The following D2HGDH variants were observed in gnomAD, a reference collection of about 807,000 sequenced individuals.
D2HGDH encodes the protein D-2-hydroxyglutarate dehydrogenase, mitochondrial.
Under a neutral mutation model 46.9 loss-of-function variants are expected in D2HGDH, and 31 were observed. That is an observed-to-expected ratio of 0.66 (90% CI 0.50 to 0.89). The LOEUF is 0.89. D2HGDH is among the 40% of genes least tolerant of loss of function. The probability of loss-of-function intolerance (pLI) is 0.00; values close to 1 mark genes in which losing one functional copy is unlikely to be tolerated. For missense variants in D2HGDH, 698 were observed against 720.8 expected (o/e 0.97, Z 0.36); for synonymous variants, 364 against 332.6 (o/e 1.09, Z -1.03).
chr2:241,741,154 G>T (rs561109224), intron 3 of D2HGDH, 64 bp downstream of exon 3: 17 of 1,498,518 alleles, frequency 1.1e-5, no homozygotes, highest in African/African-American at 1.4e-5. Context: ...TCCTCATGGA[G>T]CCTGTGGGCA....
chr2:241,735,582 C>T (rs1211078181), intron 2 of D2HGDH, 66 bp downstream of exon 2: 4 of 1,585,248 alleles, frequency 2.5e-6, no homozygotes, highest in Non-Finnish European at 3.4e-6. Context: ...CCCGTGGAGG[C>T]TTCAAAGCGG....
In D2HGDH at chr2:241,751,268, C is replaced by T. The variant is rs777521222; in HGVS notation, c.1020C>T (p.Ile340=). 6 of 1,613,912 alleles carry T rather than the reference C, an allele frequency of 3.7e-6. No individual in the cohort carries two copies. Among genetic ancestry groups the T allele is most frequent in the African/African-American group, 1.3e-5 (1 of 74,926 alleles). Residue 340 remains isoleucine, a synonymous_variant, in exon 8 of 10, where the codon ATC becomes ATT. Coordinates refer to ENST00000321264, the MANE Select transcript of D2HGDH (RefSeq NM_152783.5). ...TAGAGAGTCCGTTTTACGTCCTCATCGAGACTTCAGGCTCCAACGCAGGCC... is the reference window on the plus strand; with the variant it reads ...TAGAGAGTCCGTTTTACGTCCTCATTGAGACTTCAGGCTCCAACGCAGGCC... The part of the protein sequence containing the change: ...PVQESPFYVL[I]ETSGSNAGHD...
At chr2:241,753,617 G>C (rs1163371884) in intron 8 of D2HGDH, among the ~76,000 whole-genome samples, 1 of 152,228 alleles carries the variant, frequency 6.6e-6, no homozygotes, top group Admixed American at 6.5e-5. Context: ...TGTTCAACGG[G>C]GGACACTCAG....
chr2:241,749,895 A>G lies in D2HGDH; in HGVS notation c.854-256A>G, dbSNP rs966519141. 9.3e-6 allele frequency: 5 copies of G among 540,426 alleles called. No individual in the cohort carries two copies. In the African/African-American group the frequency reaches 9.9e-5, roughly 11 times the overall value. The allele number at this position is 540,426 out of a possible 1,614,324, so 33.5% of individuals were successfully genotyped here. A position where few individuals can be genotyped will look rare whatever the true frequency, so the allele number is the denominator to read the frequency against. ...ATGCTGGTGGTGACACCAGGCGTGCACCTTCTCCTGATCTGATGCTGGTGG... is the reference window on the plus strand; with the variant it reads ...ATGCTGGTGGTGACACCAGGCGTGCGCCTTCTCCTGATCTGATGCTGGTGG... On this transcript the variant is annotated intron_variant, in intron 6 of 9. Transcript: ENST00000321264.
Position 241,758,769 on chromosome 2 carries a change from A to ATGTGTGTGTGTGTG in D2HGDH, c.1306+2785_1306+2798dup, listed in dbSNP as rs558559121. Among the ~76,000 whole-genome samples the ATGTGTGTGTGTGTG allele has an allele frequency of 7.8e-3, 1,035 of 131,932 alleles. 4 individuals carry two copies. Among genetic ancestry groups the ATGTGTGTGTGTGTG allele is most frequent in the Middle Eastern group, 0.012 (3 of 258 alleles). The allele number at this position is 131,932 out of a possible 152,430, so 86.6% of individuals were successfully genotyped here. A position where few individuals can be genotyped will look rare whatever the true frequency, so the allele number is the denominator to read the frequency against. ...TATACCGCCCCCCGCCCCACAATATATGTGTGTGTGTGTGTGTGTGTGTGT... is the reference window on the plus strand; with the variant it reads ...TATACCGCCCCCCGCCCCACAATATATGTGTGTGTGTGTGTGTGTGTGTGTGTGTGTGTGTGTGT... On this transcript the variant is annotated intron_variant, in intron 9 of 9. Transcript: ENST00000321264.
chr2:241,739,871 G>A (rs746624814), intron 2 of D2HGDH, among the ~76,000 whole-genome samples: 11 of 152,264 alleles, frequency 7.2e-5, no homozygotes, highest in Admixed American at 1.3e-4. Flanking sequence ...GAGGCCGGGC[G>A]CGGCGACTCA....
intron 9 of D2HGDH, among the ~76,000 whole-genome samples, chr2:241,763,542 C>G (rs1699015862): frequency 6.6e-6 from 1 of 152,168 alleles, no homozygotes; most frequent in Admixed American, 6.5e-5. Flanking sequence ...TGACCGTACT[C>G]TACTCTAGAC....
intron 2 of D2HGDH, chr2:241,736,241 A>G (rs1692782392): frequency 6.6e-6 from 1 of 152,328 alleles, no homozygotes; most frequent in South Asian, 2.1e-4. Flanking sequence ...CAAAAAGTAA[A>G]AAAGTTACTC....
At chr2:241,741,289 C>T (rs1052996194) in intron 3 of D2HGDH, among the ~76,000 whole-genome samples, 199 bp downstream of exon 3, 1 of 152,226 alleles carries the variant, frequency 6.6e-6, no homozygotes, top group Non-Finnish European at 1.5e-5. Flanking sequence ...CCCCATTTGG[C>T]AATGCCCATG....
At chr2:241,765,082 A>G (rs1046205325) in intron 9 of D2HGDH, among the ~76,000 whole-genome samples, 39 of 152,284 alleles carry the variant, frequency 2.6e-4, no homozygotes, top group Admixed American at 1.4e-3. Context: ...GGGCAGCTCC[A>G]GGGGCGACAC....
chr2:241,749,990 C>A, intron 6 of D2HGDH, 161 bp from the exon 7 acceptor site: 1 of 1,046,990 alleles, frequency 9.6e-7, no homozygotes. Flanking sequence ...ACCTGCCAGG[C>A]AAACCCTGGG....
Position 241,751,960 on chromosome 2 carries a change from G to A in D2HGDH, c.1140+572G>A, listed in dbSNP as rs149702186. ...CTCGGTCACCGTCACCGGGGCCTGG[G>A]CAGGGGGAGCCCTCGGTCACCGTCA... On this transcript the variant is annotated intron_variant, in intron 8 of 9. Coordinates refer to ENST00000321264, the MANE Select transcript of D2HGDH (RefSeq NM_152783.5). 5.6e-3 allele frequency among the ~76,000 whole-genome samples: 405 copies of A among 71,684 alleles called. 16 individuals are homozygous for A. Among genetic ancestry groups the A allele is most frequent in the African/African-American group, 0.022 (323 of 14,700 alleles). The allele number at this position is 71,684 out of a possible 152,430, so 47.0% of individuals were successfully genotyped here.
intron 9 of D2HGDH, among the ~76,000 whole-genome samples, chr2:241,761,208 G>A (rs138286001): frequency 2.5e-3 from 384 of 152,226 alleles, no homozygotes; most frequent in African/African-American, 8.9e-3. Context: ...CATTTCCGTC[G>A]TACCAGGAAT....
chr2:241,741,101 G>C lies in D2HGDH; in HGVS notation c.350+11G>C, dbSNP rs1253754955. The C allele has an allele frequency of 6.2e-7, 1 of 1,612,044 alleles. No homozygotes were observed. The highest frequency in any genetic ancestry group is 1.3e-5 in the African/African-American group (1 of 74,884). On this transcript the variant is annotated intron_variant, in intron 3 of 9. Coordinates refer to ENST00000321264, the MANE Select transcript of D2HGDH (RefSeq NM_152783.5). ...GTCCCACATCCTCAGGTGAGGTGGT[G>C]GCTCCCGGCTCCCCCAGCCTTCCCT...
At chr2:241,744,971 G>GCCCCC in intron 6 of D2HGDH, 94 bp downstream of exon 6, 1 of 1,441,550 alleles carries the variant, frequency 6.9e-7, no homozygotes. Flanking sequence ...GGGATGGAGG[G>GCCCCC]ACCCCCCGCC....
intron 2 of D2HGDH, among the ~76,000 whole-genome samples, chr2:241,739,875 C>T (rs1279908682): frequency 3.3e-5 from 5 of 152,340 alleles, no homozygotes; most frequent in East Asian, 1.9e-4. Context: ...CCGGGCGCGG[C>T]GACTCATGCC....
At chr2:241,764,158 GAGCA>G (rs1699072161) in intron 9 of D2HGDH, among the ~76,000 whole-genome samples, 1 of 151,814 alleles carries the variant, frequency 6.6e-6, no homozygotes. Context: ...TCTCTGGCCT[GAGCA>G]CGCATCCGTG....
chr2:241,755,215 C>T lies in D2HGDH; in HGVS notation c.1141-634C>T, dbSNP rs142750538. ...GCCGTGTCCCTCCTCCTCCACGGCCCGCCCACCGTGTCCTTCCCTCCCCCG... is the reference window on the plus strand; with the variant it reads ...GCCGTGTCCCTCCTCCTCCACGGCCTGCCCACCGTGTCCTTCCCTCCCCCG... On this transcript the variant is annotated intron_variant, in intron 8 of 9. Transcript: ENST00000321264. 5,086 of 1,292,750 alleles carry T rather than the reference C, an allele frequency of 3.9e-3. 13 individuals carry two copies. The highest frequency in any genetic ancestry group is 4.7e-3 in the Non-Finnish European group (4,624 of 983,440). 80.1% of individuals were successfully genotyped at this position (1,292,750 alleles called of 1,614,324 possible). A position where few individuals can be genotyped will look rare whatever the true frequency, so the allele number is the denominator to read the frequency against.
chr2:241,753,663 G>A (rs931940830), intron 8 of D2HGDH, among the ~76,000 whole-genome samples: 4 of 152,230 alleles, frequency 2.6e-5, no homozygotes, highest in Non-Finnish European at 4.4e-5. Context: ...CAGCCCACCC[G>A]AGTGGAAGCC....
Sources: gnomAD v4.1 joint callset for allele counts (sites outside exome capture counted in the v4.1 genomes callset) on GRCh38, gnomAD v4.1.1 for gene constraint, MANE v1.5 for transcripts, NCBI Gene and HGNC (gene_info 2026-07-23, HGNC 2026-07-21) for gene names.